The following SPTBN1 variants were observed in gnomAD, a reference collection of about 807,000 sequenced individuals.
SPTBN1 encodes the protein spectrin beta chain, non-erythrocytic 1.
A neutral mutation model predicts 266.4 loss-of-function variants in SPTBN1; 32 were observed. The observed-to-expected ratio is 0.12, with a 90% CI of 0.09 to 0.16. SPTBN1 has a LOEUF of 0.16. SPTBN1 is among the 10% of genes least tolerant of loss of function. SPTBN1 has a pLI of 1.00. For missense variants in SPTBN1, 2,296 were observed against 3,067.1 expected, an observed-to-expected ratio of 0.75 and a Z score of 5.94; for synonymous variants, 1,336 against 1,162.2, an observed-to-expected ratio of 1.15 and a Z score of -3.04.
intron 1 of SPTBN1, among the ~76,000 whole-genome samples, chr2:54,478,883 C>T (rs1218462643): frequency 1.3e-5 from 2 of 150,642 alleles, no homozygotes; most frequent in African/African-American, 2.4e-5. Context: ...GATGTATGTA[C>T]GTATATGTGA....
At chr2:54,470,587 C>G (rs1291900161) in intron 1 of SPTBN1, among the ~76,000 whole-genome samples, 1 of 152,186 alleles carries the variant, frequency 6.6e-6, no homozygotes, top group Non-Finnish European at 1.5e-5. Flanking sequence ...AAAAAACATT[C>G]CATTTTGTTT....
At chr2:54,657,297 G>A (rs950902880) in intron 29 of SPTBN1, among the ~76,000 whole-genome samples, 2 of 152,154 alleles carry the variant, frequency 1.3e-5, no homozygotes, top group African/African-American at 2.4e-5. Context: ...CCCAAAAGAG[G>A]GCGAGTTAAG....
rs763677867 is a variant in SPTBN1 at position 54,629,267 on chromosome 2, G to T, written c.2133G>T (p.Gly711=). 6.2e-7 allele frequency: 1 copy of T among 1,614,074 alleles called. No homozygotes were observed. The highest frequency in any genetic ancestry group is 2.2e-5 in the East Asian group (1 of 44,888). The change falls in exon 14 of 36, where the codon GGG becomes GGT. Residue 711 remains glycine, a synonymous_variant. Transcript: ENST00000356805. ...GEDMIAEEHF[G]SEKIRERIIY... ...ACATGATCGCGGAGGAGCACTTCGG[G>T]TCGGAGAAGATCCGTGAGAGGATCA...
chr2:54,479,132 T>C (rs1280805741), intron 1 of SPTBN1, among the ~76,000 whole-genome samples: 2 of 152,190 alleles, frequency 1.3e-5, no homozygotes, highest in Admixed American at 1.3e-4. Context: ...TAAGTTGAAA[T>C]GTTTAAACAT....
intron 2 of SPTBN1, among the ~76,000 whole-genome samples, chr2:54,551,148 A>T (rs78027775): frequency 1.6e-4 from 24 of 152,322 alleles, no homozygotes; most frequent in African/African-American, 5.8e-4. Flanking sequence ...TACCCAGGGA[A>T]CAGTATCTTC....
intron 2 of SPTBN1, among the ~76,000 whole-genome samples, chr2:54,538,860 C>T (rs1428202379): frequency 6.6e-6 from 1 of 152,148 alleles, no homozygotes; most frequent in Non-Finnish European, 1.5e-5. Flanking sequence ...GGACTGAAGT[C>T]GGAGATGCCG....
chr2:54,600,694 C>G (rs1676439583), intron 3 of SPTBN1, among the ~76,000 whole-genome samples: 1 of 150,196 alleles, frequency 6.7e-6, no homozygotes, highest in Admixed American at 6.6e-5. Context: ...TAGTGTTTAA[C>G]CTAGTATGTT....
Position 54,558,060 on chromosome 2 carries a change from C to T in SPTBN1, c.148+31494C>T, listed in dbSNP as rs1361680322. 1 of 985,308 alleles carries T rather than the reference C, an allele frequency of 1.0e-6. No homozygotes were observed. The highest frequency in any genetic ancestry group is 1.2e-6 in the Non-Finnish European group (1 of 829,934). 61.0% of individuals were successfully genotyped at this position (985,308 alleles called of 1,614,324 possible). A position where few individuals can be genotyped will look rare whatever the true frequency, so the allele number is the denominator to read the frequency against. On this transcript the variant is annotated intron_variant, in intron 2 of 35. Coordinates refer to ENST00000356805, the MANE Select transcript of SPTBN1 (RefSeq NM_003128.3). This position sits in a 1 kb window ranked among gnomAD's most constrained non-coding sequence, Gnocchi z 4.6. ...CCAGGCCGTCCCGTGGGCGCGCTAG[C>T]CTTTTCAAGTGATAGTAATCGGAGA...
At chr2:54,592,867 GTGACAC>G (rs1675776563) in intron 2 of SPTBN1, among the ~76,000 whole-genome samples, 1 of 152,202 alleles carries the variant, frequency 6.6e-6, no homozygotes, top group Admixed American at 6.5e-5. Context: ...CTACTGGCTG[GTGACAC>G]TTAGCAGCCC....
chr2:54,571,546 T>TACACACAC (rs71408769), intron 2 of SPTBN1, among the ~76,000 whole-genome samples: 2 of 134,522 alleles, frequency 1.5e-5, no homozygotes, highest in East Asian at 2.0e-4. Flanking sequence ...TAATTGTATG[T>TACACACAC]ACACACACAC....
In SPTBN1 at chr2:54,641,216, C is replaced by T. The variant is rs1021987911; in HGVS notation, c.3859-1767C>T. Among the ~76,000 whole-genome samples the T allele has an allele frequency of 1.2e-4, 18 of 152,294 alleles. No homozygotes were observed. The South Asian group carries it at 1.5e-3, about 12-fold the overall frequency. On this transcript the variant is annotated intron_variant, in intron 18 of 35. Coordinates refer to ENST00000356805, the MANE Select transcript of SPTBN1 (RefSeq NM_003128.3). The stretch of plus-strand genomic sequence containing the variant: ...ATAGATCCATTTCATTGTGCTGTAT[C>T]GCATGATGCTTTATCTGTAGGATGA...
At chr2:54,618,760 A>T (rs1331553052) in intron 7 of SPTBN1, among the ~76,000 whole-genome samples, 1 of 152,176 alleles carries the variant, frequency 6.6e-6, no homozygotes, top group Non-Finnish European at 1.5e-5. Context: ...AGCAAGTAAG[A>T]GTTTAAATGA....
At chr2:54,652,460 C>G (rs566535792) in intron 26 of SPTBN1, 1 of 152,176 alleles carries the variant, frequency 6.6e-6, no homozygotes, top group Non-Finnish European at 1.5e-5. Context: ...CTGCTGGATG[C>G]ACCATCATTA....
chr2:54,611,302 C>T (rs1677194823), intron 3 of SPTBN1, among the ~76,000 whole-genome samples: 1 of 151,986 alleles, frequency 6.6e-6, no homozygotes, highest in Admixed American at 6.6e-5. Context: ...GAAAAATATC[C>T]ATGTATAAGT....
Position 54,576,346 on chromosome 2 carries a change from G to C in SPTBN1, c.149-22746G>C, listed in dbSNP as rs188629664. Among the ~76,000 whole-genome samples the C allele has an allele frequency of 1.5e-3, 230 of 152,182 alleles. 1 individual carries two copies. Among genetic ancestry groups the C allele is most frequent in the African/African-American group, 5.3e-3 (219 of 41,522 alleles). On this transcript the variant is annotated intron_variant, in intron 2 of 35. Transcript: ENST00000356805. ...TGGGATTACAGGTGTGAGCCACCGC[G>C]CCCGGCCTTCAGCTCTTCTTTCTGC...
intron 2 of SPTBN1, among the ~76,000 whole-genome samples, chr2:54,560,989 G>A (rs1158909107): frequency 2.0e-5 from 3 of 152,138 alleles, no homozygotes; most frequent in Non-Finnish European, 4.4e-5. Context: ...TTGTAGTTCT[G>A]ATTATCACAT....
chr2:54,490,842 C>G (rs147471274), intron 1 of SPTBN1, among the ~76,000 whole-genome samples: 16 of 152,130 alleles, frequency 1.1e-4, no homozygotes, highest in Admixed American at 2.0e-4. Flanking sequence ...GGCAGAAAGC[C>G]AGGGAGAGAG....
intron 2 of SPTBN1, among the ~76,000 whole-genome samples, chr2:54,593,699 G>A (rs145587624): frequency 6.6e-6 from 1 of 152,152 alleles, no homozygotes; most frequent in East Asian, 1.9e-4. Flanking sequence ...TAGTCTTGAT[G>A]GAGACACCAT....
chr2:54,498,436 C>G (rs1426797634), intron 1 of SPTBN1, among the ~76,000 whole-genome samples: 4 of 152,230 alleles, frequency 2.6e-5, no homozygotes, highest in Non-Finnish European at 5.9e-5. Context: ...TCCAGCTTCA[C>G]TATCGTTTAC....
Sources: allele counts gnomAD v4.1 joint callset (sites outside exome capture counted in the v4.1 genomes callset), GRCh38; gene constraint gnomAD v4.1.1; non-coding constraint Gnocchi (gnomAD v3.1); transcripts MANE v1.5; gene names NCBI Gene and HGNC (gene_info 2026-07-23, HGNC 2026-07-21).